The following COL5A3 variants were observed in gnomAD, a reference collection of about 807,000 sequenced individuals.
COL5A3 encodes the protein collagen alpha-3(V) chain.
A neutral mutation model predicts 250.0 loss-of-function variants in COL5A3; 172 were observed. The ratio of observed to expected loss-of-function variants is 0.69; its 90% confidence interval spans 0.61 to 0.78. COL5A3 has a LOEUF of 0.78. Among genes scored for constraint, COL5A3 ranks in the 30% least tolerant of loss-of-function variants. The pLI is 0.00. For synonymous variants in COL5A3, 937 were observed against 900.4 expected (o/e 1.04, Z -0.73); for missense variants, 2,340 against 2,334.4 (o/e 1.00, Z -0.05).
In COL5A3 at chr19:9,980,865, C is replaced by CAA. The variant is rs759066585; in HGVS notation, c.2506-8_2506-7dup. The CAA allele has an allele frequency of 5.9e-6, 8 of 1,360,482 alleles. No individual in the cohort carries two copies. The Admixed American group carries it at 8.7e-5, about 15-fold the overall frequency. 84.3% of individuals were successfully genotyped at this position (1,360,482 alleles called of 1,614,324 possible). On this transcript the variant is annotated splice_polypyrimidine_tract_variant and splice_region_variant and intron_variant, in intron 33 of 66. Coordinates refer to ENST00000264828, the MANE Select transcript of COL5A3 (RefSeq NM_015719.4). ...CCCCTCTCTCCACGGGAACCCTGAA[C>CAA]AAAAAAAAAAGGCAAAGATCAGATA...
chr19:9,966,266 G>A, intron 64 of COL5A3, 48 bp downstream of exon 64: 1 of 1,423,734 alleles, frequency 7.0e-7, no homozygotes, highest in South Asian at 1.2e-5. Context: ...GTGGGGAGCA[G>A]GGGACAGCAC....
At chr19:9,970,196 GGGTGAGTGGGGGCTGT>G (rs1421206916) in intron 54 of COL5A3, among the ~76,000 whole-genome samples, 6 of 32,474 alleles carry the variant, frequency 1.8e-4, no homozygotes, top group African/African-American at 6.1e-4. Flanking sequence ...TGGGGTCTGT[GGGTGAGTGGGGGCTGT>G]GGGTGAGTGG....
At position 9,966,571 on chromosome 19, in the gene COL5A3, TG is replaced by T; in HGVS notation, c.4633del (p.His1545ThrfsTer51). 1 of 1,543,234 alleles carries T rather than the reference TG, an allele frequency of 6.5e-7. No homozygotes were observed. The highest frequency in any genetic ancestry group is 8.7e-7 in the Non-Finnish European group (1 of 1,147,660). On this transcript the variant is annotated frameshift_variant, in exon 63 of 67. Transcript: ENST00000264828. LOFTEE classifies it high-confidence loss of function. ...GTAERPGLVC[H>X]ELHRNHPHLP... ...GTGCGGGTGGTTGCGGTGCAGCTCG[TG>T]GCACACGAGGCCCGGGCGCTCCGCA...
chr19:10,010,053 C>G (rs1204387967), intron 1 of COL5A3, among the ~76,000 whole-genome samples: 1 of 152,150 alleles, frequency 6.6e-6, no homozygotes, highest in Non-Finnish European at 1.5e-5. Context: ...ATGCACACAC[C>G]TGCACATTGC....
rs774992567 is a variant in COL5A3, at chr19:10,003,617, T to C, written c.797A>G (p.Lys266Arg). 3 of 1,614,180 alleles carry C rather than the reference T, an allele frequency of 1.9e-6. No individual in the cohort carries two copies. Among genetic ancestry groups the C allele is most frequent in the Non-Finnish European group, 2.5e-6 (3 of 1,180,026 alleles). Residue 266 changes from lysine to arginine, a missense_variant, in exon 6 of 67, where the codon AAG becomes AGG. Physicochemically the swap from Lys to Arg is conservative, Grantham distance 26 (BLOSUM62 2). Coordinates refer to ENST00000264828, the MANE Select transcript of COL5A3 (RefSeq NM_015719.4). ...ACTTGAGGTCCAAATTTCCTTGTTCTTTTTCCTGCCCTTCCCCTTGCGACC... is the reference window on the plus strand; with the variant it reads ...ACTTGAGGTCCAAATTTCCTTGTTCCTTTTCCTGCCCTTCCCCTTGCGACC... The part of the protein sequence containing the change: ...GRGRKGKGRK[K>R]NKEIWTSSPP...
At chr19:9,969,465 C>A (rs185689230) in intron 56 of COL5A3, 63 bp from the exon 57 acceptor site, 27,429 of 1,590,042 alleles carry the variant, frequency 0.017, 296 homozygotes, top group Non-Finnish European at 0.02. Flanking sequence ...GGACCCCCCC[C>A]CGACCATGCA....
chr19:9,998,272 G>T, intron 8 of COL5A3, 123 bp from the exon 9 acceptor site: 1 of 989,430 alleles, frequency 1.0e-6, no homozygotes, highest in Non-Finnish European at 1.5e-6. Flanking sequence ...TCCACCCTCA[G>T]AGCCCCTTCT....
In COL5A3 at chr19:9,960,297, C is replaced by T; in HGVS notation, c.*114G>A. On this transcript the variant is annotated 3_prime_UTR_variant, in exon 67 of 67. Transcript: ENST00000264828. ...TGACTGTCCGTGATGAGCGAAGTCA[C>T]ATCCCATTGGCTCCATAGTCACAGG... 7.8e-7 allele frequency: 1 copy of T among 1,283,850 alleles called. No homozygotes were observed. Among genetic ancestry groups the T allele is most frequent in the Non-Finnish European group, 1.1e-6 (1 of 914,702 alleles). The allele number at this position is 1,283,850 out of a possible 1,614,324, so 79.5% of individuals were successfully genotyped here. A position where few individuals can be genotyped will look rare whatever the true frequency, so the allele number is the denominator to read the frequency against.
intron 64 of COL5A3, among the ~76,000 whole-genome samples, chr19:9,963,943 T>G (rs1207387211): frequency 6.6e-6 from 1 of 151,734 alleles, no homozygotes; most frequent in Non-Finnish European, 1.5e-5. Flanking sequence ...CCGAGATGGG[T>G]GGATCACTCG....
chr19:9,998,118 G>T lies in COL5A3; in HGVS notation c.1142C>A (p.Pro381His). 8.7e-6 allele frequency: 14 copies of T among 1,613,892 alleles called. No individual in the cohort carries two copies. The highest frequency in any genetic ancestry group is 1.2e-5 in the Non-Finnish European group (14 of 1,179,980). ...GAGEKGAKGE[P>H]AVIEKGQQFE... ...ACCCCTCACCTTTTCAATCACTGCGGGCTCTCCTTTTGCTCCTTTCTCTCC... is the reference window on the plus strand; with the variant it reads ...ACCCCTCACCTTTTCAATCACTGCGTGCTCTCCTTTTGCTCCTTTCTCTCC... The change falls in exon 9 of 67, where the codon CCC becomes CAC. Residue 381 changes from proline to histidine, a missense_variant. Around this residue, in one of 3 missense-constraint regions of COL5A3, gnomAD observed 1,152 missense variants for 1,146.3 expected, o/e 1.00. Transcript: ENST00000264828.
intron 62 of COL5A3, 134 bp from the exon 63 acceptor site, chr19:9,966,880 G>A (rs1288952406): frequency 1.3e-5 from 9 of 680,920 alleles, no homozygotes; most frequent in South Asian, 5.7e-5. Flanking sequence ...TAAACAAGGG[G>A]CAGAGATAGA....
chr19:9,961,260 C>T (rs1457017947), intron 65 of COL5A3, among the ~76,000 whole-genome samples: 1 of 152,224 alleles, frequency 6.6e-6, no homozygotes, highest in Non-Finnish European at 1.5e-5. Flanking sequence ...GATTTCTGCC[C>T]TGTCCAATAT....
In COL5A3 at chr19:9,973,966, G is replaced by A. The variant is rs762012594; in HGVS notation, c.3511C>T (p.His1171Tyr). The A allele has an allele frequency of 1.9e-6, 3 of 1,539,590 alleles. No homozygotes were observed. The highest frequency in any genetic ancestry group is 1.7e-6 in the Non-Finnish European group (2 of 1,143,632). Residue 1171 changes from histidine (H) to tyrosine (Y), a missense_variant, in exon 48 of 67, where the codon CAT becomes TAT. Physicochemically the swap from His to Tyr is moderately conservative, Grantham distance 83. Coordinates refer to ENST00000264828, the MANE Select transcript of COL5A3 (RefSeq NM_015719.4). ...EVGDVGSMGP[H>Y]GAPGPRGPQG... is the part of the protein sequence containing the mutation. The stretch of plus-strand genomic sequence containing the variant: ...GGACCCCGAGGACCTGGAGCTCCAT[G>A]GGGACCCTGTGGAAGGTCAGAATTA...
chr19:9,967,577 T>C, intron 61 of COL5A3, 177 bp from the exon 62 acceptor site: 1 of 603,686 alleles, frequency 1.7e-6, no homozygotes, highest in South Asian at 2.4e-5. Flanking sequence ...GGAAGAGACA[T>C]GCAGTTTTCA....
In COL5A3 at chr19:10,001,275, G is replaced by A. The variant is rs546626510; in HGVS notation, c.1110+249C>T. Among the ~76,000 whole-genome samples, 6 of 151,796 alleles carry A rather than the reference G, an allele frequency of 4.0e-5. No individual in the cohort carries two copies. In the South Asian group the frequency reaches 1.3e-3, roughly 32 times the overall value. On this transcript the variant is annotated intron_variant, in intron 8 of 66. Transcript: ENST00000264828. Reference sequence around the variant, plus strand: ...ATTCTCCTGCCTCAGCCTTCCCAGTGGCTGGGATCACAGGCGCGCGCCACC... The same window carrying A: ...ATTCTCCTGCCTCAGCCTTCCCAGTAGCTGGGATCACAGGCGCGCGCCACC...
intron 65 of COL5A3, among the ~76,000 whole-genome samples, chr19:9,961,225 A>G (rs914067139): frequency 3.9e-5 from 6 of 152,162 alleles, no homozygotes; most frequent in Non-Finnish European, 8.8e-5. Flanking sequence ...CGCTGGATCT[A>G]CAGAGCTCAC....
chr19:9,985,996 G>A, intron 30 of COL5A3, 101 bp from the exon 31 acceptor site: 1 of 1,048,472 alleles, frequency 9.5e-7, no homozygotes, highest in Non-Finnish European at 1.5e-6. Flanking sequence ...TAATGGGATG[G>A]GAGTTGGGGA....
Position 9,971,223 on chromosome 19 carries a change from TG to T in COL5A3, c.3809del (p.Pro1270GlnfsTer9). ...CACTCACTGAAACTCCAGGGTCTCC[TG>T]GGGGCCCTAGATCTCCGGGCAGCCC... is the stretch of plus-strand genomic sequence containing the variant. Reference protein sequence around the residue: ...PTGLPGDLGPPGDPGVSGIDG... With the variant: ...PTGLPGDLGPXGDPGVSGIDG... On this transcript the variant is annotated frameshift_variant, in exon 52 of 67. Transcript: ENST00000264828. LOFTEE classifies it high-confidence loss of function. 3.2e-6 allele frequency: 5 copies of T among 1,564,444 alleles called. No homozygotes were observed. Among genetic ancestry groups the T allele is most frequent in the Admixed American group, 2.2e-5 (1 of 46,132 alleles).
At position 9,979,836 on chromosome 19, in the gene COL5A3, C is replaced by T. The variant is rs1215253325; in HGVS notation, c.2712+3G>A. On this transcript the variant is annotated splice_donor_region_variant and intron_variant, in intron 37 of 66. Transcript: ENST00000264828. ...AGGAATCAAAGGTTGAGGGGTTACT[C>T]ACCAGTTCTCCTCTCTGTCCAGGGT... The T allele has an allele frequency of 1.3e-6, 2 of 1,582,720 alleles. No homozygotes were observed. The highest frequency in any genetic ancestry group is 3.5e-4 in the Middle Eastern group (2 of 5,714).
Sources: gnomAD v4.1 joint callset for allele counts (sites outside exome capture counted in the v4.1 genomes callset) on GRCh38, gnomAD v4.1.1 for gene constraint, gnomAD v4.1.1 regional missense constraint, MANE v1.5 for transcripts, NCBI Gene and HGNC (gene_info 2026-07-23, HGNC 2026-07-21) for gene names.